The following SYN3 variants were observed in gnomAD, a reference collection of about 807,000 sequenced individuals.
SYN3 encodes the protein synapsin-3.
In SYN3, 35 loss-of-function variants were observed where a neutral mutation model predicts 65.8. The ratio of observed to expected loss-of-function variants is 0.53; its 90% CI spans 0.41 to 0.70. SYN3 has a LOEUF of 0.70. Ranked by LOEUF, SYN3 falls within the 30% of genes least tolerant of loss-of-function variation. SYN3 has a pLI of 0.00. For missense variants in SYN3, 680 were observed against 749.0 expected (o/e 0.91, Z 1.08); for synonymous variants, 270 against 292.9 (o/e 0.92, Z 0.80).
chr22:32,946,173 C>T (rs990465932), intron 3 of SYN3, among the ~76,000 whole-genome samples: 3 of 152,118 alleles, frequency 2.0e-5, no homozygotes, highest in African/African-American at 4.8e-5. Context: ...ACCGTTTGAC[C>T]CAGCCATCCC....
At chr22:32,552,201 G>A (rs1447131222) in intron 7 of SYN3, among the ~76,000 whole-genome samples, 1 of 152,118 alleles carries the variant, frequency 6.6e-6, no homozygotes, top group South Asian at 2.1e-4. Flanking sequence ...GAGCAAGATC[G>A]CGCCACTGCA....
At chr22:32,544,733 G>T (rs2058311523) in intron 7 of SYN3, among the ~76,000 whole-genome samples, 4 of 152,210 alleles carry the variant, frequency 2.6e-5, no homozygotes. Context: ...GGGTCAGGTG[G>T]AGAGAATCGG....
At chr22:32,878,270 C>T (rs1207626626) in intron 4 of SYN3, among the ~76,000 whole-genome samples, 1 of 152,182 alleles carries the variant, frequency 6.6e-6, no homozygotes, top group African/African-American at 2.4e-5. Flanking sequence ...GGGCGTATGT[C>T]ACCCTGAAGT....
intron 6 of SYN3, among the ~76,000 whole-genome samples, chr22:32,674,680 A>G (rs940705353): frequency 6.6e-6 from 1 of 152,228 alleles, no homozygotes; most frequent in African/African-American, 2.4e-5. Context: ...AAGATGGTGC[A>G]GATGACCAGA....
chr22:32,885,406 G>C (rs948241764), intron 4 of SYN3, among the ~76,000 whole-genome samples: 1 of 152,064 alleles, frequency 6.6e-6, no homozygotes, highest in East Asian at 1.9e-4. Context: ...GTTCCTTCAC[G>C]TTATCAGTGA....
At chr22:32,609,307 G>T (rs1278173882) in intron 6 of SYN3, among the ~76,000 whole-genome samples, 1 of 151,930 alleles carries the variant, frequency 6.6e-6, no homozygotes, top group African/African-American at 2.4e-5. Flanking sequence ...GGGCGACAGA[G>T]TGAGACTCTG....
Position 32,588,855 on chromosome 22 carries a change from A to C in SYN3, c.774+7819T>G, listed in dbSNP as rs141783819. On this transcript the variant is annotated intron_variant, in intron 7 of 13. Transcript: ENST00000358763. ...CAGGTCTTTACTCCAGACCAGACTG[A>C]TGACTGGCTGAACCAGGGAAGAGGC... Among the ~76,000 whole-genome samples, 684 of 152,288 alleles carry C rather than the reference A, an allele frequency of 4.5e-3. 3 individuals carry two copies. The highest frequency in any genetic ancestry group is 0.023 in the South Asian group (112 of 4,820).
chr22:32,777,256 C>T (rs777437993), intron 6 of SYN3, among the ~76,000 whole-genome samples: 1 of 152,166 alleles, frequency 6.6e-6, no homozygotes, highest in Non-Finnish European at 1.5e-5. Flanking sequence ...CTGTGGGTCT[C>T]GGTATTCCCA....
At chr22:32,603,609 C>A (rs2059319833) in intron 6 of SYN3, among the ~76,000 whole-genome samples, 1 of 152,094 alleles carries the variant, frequency 6.6e-6, no homozygotes, top group South Asian at 2.1e-4. Flanking sequence ...GGTGCTGCTG[C>A]CCTGTGGCCA....
At chr22:32,663,774 A>G (rs2060251525) in intron 6 of SYN3, among the ~76,000 whole-genome samples, 1 of 152,188 alleles carries the variant, frequency 6.6e-6, no homozygotes, top group African/African-American at 2.4e-5. Flanking sequence ...GCACAATGTA[A>G]AAGTAAATGG....
At chr22:32,668,837 T>C (rs1330302703) in intron 6 of SYN3, among the ~76,000 whole-genome samples, 2 of 152,162 alleles carry the variant, frequency 1.3e-5, no homozygotes, top group Non-Finnish European at 2.9e-5. Flanking sequence ...AGTGTTCAGA[T>C]TGCTGCTGCT....
intron 7 of SYN3, among the ~76,000 whole-genome samples, chr22:32,558,096 A>T (rs1274820115): frequency 6.6e-6 from 1 of 152,228 alleles, no homozygotes; most frequent in African/African-American, 2.4e-5. Flanking sequence ...AGGGCTTAGC[A>T]CAGCACCTAG....
At chr22:32,527,238 T>A (rs1569004784) in intron 12 of SYN3, among the ~76,000 whole-genome samples, 1 of 152,198 alleles carries the variant, frequency 6.6e-6, no homozygotes, top group Non-Finnish European at 1.5e-5. Flanking sequence ...AATAAACACT[T>A]CCTAGGTTTG....
At chr22:33,039,008 A>AG (rs1430981542) in intron 1 of SYN3, among the ~76,000 whole-genome samples, 2 of 152,192 alleles carry the variant, frequency 1.3e-5, no homozygotes, top group East Asian at 3.9e-4. Flanking sequence ...CAAGTCCTCC[A>AG]GGGCTCATCT....
intron 1 of SYN3, among the ~76,000 whole-genome samples, chr22:33,013,958 G>GC (rs1336118481): frequency 6.6e-6 from 1 of 151,580 alleles, no homozygotes; most frequent in Admixed American, 6.6e-5. Flanking sequence ...AGGCTGGAGT[G>GC]CAGTGGTGTG....
intron 6 of SYN3, among the ~76,000 whole-genome samples, chr22:32,727,129 C>A (rs2061206370): frequency 6.6e-6 from 1 of 152,126 alleles, no homozygotes; most frequent in East Asian, 1.9e-4. Context: ...TCCTGCAGCT[C>A]TCCCTCCTCC....
chr22:32,901,621 C>T (rs566972006), intron 4 of SYN3, among the ~76,000 whole-genome samples: 4 of 152,334 alleles, frequency 2.6e-5, no homozygotes, highest in South Asian at 4.1e-4. Context: ...GCCTAATATG[C>T]ACCATAGCCT....
At chr22:32,760,693 CT>C (rs2045455580) in intron 6 of SYN3, among the ~76,000 whole-genome samples, 1 of 152,182 alleles carries the variant, frequency 6.6e-6, no homozygotes, top group Non-Finnish European at 1.5e-5. Flanking sequence ...CTCCTCTGTC[CT>C]TCCCCACTGG....
At chr22:32,850,181 G>A (rs1305918376) in intron 6 of SYN3, among the ~76,000 whole-genome samples, 1 of 151,258 alleles carries the variant, frequency 6.6e-6, no homozygotes, top group Non-Finnish European at 1.5e-5. Flanking sequence ...TGAAGTACAG[G>A]AAGGAGGTAT....
Sources: gnomAD v4.1 joint callset for allele counts (sites outside exome capture counted in the v4.1 genomes callset) on GRCh38, gnomAD v4.1.1 for gene constraint, MANE v1.5 for transcripts, NCBI Gene and HGNC (gene_info 2026-07-23, HGNC 2026-07-21) for gene names.